MAN1A2: variants seen among roughly 807,000 people sequenced by gnomAD.
The protein encoded by MAN1A2 is mannosyl-oligosaccharide 1,2-alpha-mannosidase IB.
MAN1A2 carries 26 observed loss-of-function variants against 75.7 expected under a neutral mutation model. The observed-to-expected ratio is 0.34, with a 90% CI of 0.25 to 0.48. MAN1A2 has a LOEUF of 0.48. Among genes scored for constraint, MAN1A2 ranks in the 20% least tolerant of loss-of-function variants. The pLI is 0.99. For missense variants in MAN1A2, 562 were observed against 775.5 expected (o/e 0.72, Z 3.27); for synonymous variants, 247 against 264.6 (o/e 0.93, Z 0.65).
intron 1 of MAN1A2, among the ~76,000 whole-genome samples, chr1:117,375,607 G>A (rs1485173914): frequency 1.3e-5 from 2 of 152,188 alleles, no homozygotes; most frequent in Non-Finnish European, 2.9e-5. Context: ...TGTTCAGCAA[G>A]TGTTTTGAGT....
intron 8 of MAN1A2, among the ~76,000 whole-genome samples, chr1:117,485,171 A>G (rs995491009): frequency 1.3e-5 from 2 of 151,978 alleles, no homozygotes; most frequent in African/African-American, 2.4e-5. Context: ...AGATTCCTTT[A>G]GCTTCCATGT....
intron 6 of MAN1A2, among the ~76,000 whole-genome samples, chr1:117,444,634 A>G (rs1649149204): frequency 6.6e-6 from 1 of 152,040 alleles, no homozygotes; most frequent in South Asian, 2.1e-4. Flanking sequence ...AATTTTGAAC[A>G]TCCTTTTCAT....
At position 117,428,805 on chromosome 1, in the gene MAN1A2, TTTA is replaced by T. The variant is rs1046032413; in HGVS notation, c.855+8157_855+8159del. On this transcript the variant is annotated intron_variant, in intron 5 of 12. Transcript: ENST00000356554. ...CTTTCTTTTTTTTTTTTTTTTTTTT[TTTA>T]AATTTATTTTTTTATTGATAATTCT... 6.0e-3 allele frequency among the ~76,000 whole-genome samples: 856 copies of T among 142,942 alleles called. 3 individuals carry two copies. Among genetic ancestry groups the T allele is most frequent in the South Asian group, 0.018 (79 of 4,414 alleles). 93.8% of individuals were successfully genotyped at this position (142,942 alleles called of 152,430 possible).
At position 117,525,230 on chromosome 1, in the gene MAN1A2, A is replaced by G. The variant is rs1651978313; in HGVS notation, c.*2273A>G. The stretch of plus-strand genomic sequence containing the variant: ...TACAAACAAAGAATTTGACAGGGAC[A>G]ATGGAAGGGTCTTCTTCACCACTCC... On this transcript the variant is annotated 3_prime_UTR_variant, in exon 13 of 13. Transcript: ENST00000356554. 2 of 466,636 alleles carry G rather than the reference A, an allele frequency of 4.3e-6. No individual in the cohort carries two copies. The highest frequency in any genetic ancestry group is 8.9e-6 in the Non-Finnish European group (2 of 224,610). 28.9% of individuals were successfully genotyped at this position (466,636 alleles called of 1,614,324 possible). A position where few individuals can be genotyped will look rare whatever the true frequency, so the allele number is the denominator to read the frequency against.
At position 117,526,916 on chromosome 1, in the gene MAN1A2, TATATG is replaced by T. The variant is rs1349962007; in HGVS notation, c.*3961_*3965del. On this transcript the variant is annotated 3_prime_UTR_variant, in exon 13 of 13. Transcript: ENST00000356554. ...TATATATATATATATATATGAGAGA[TATATG>T]AGATATATGAGAGATCAAGATCTAT... 61 of 132,968 alleles carry T rather than the reference TATATG, an allele frequency of 4.6e-4. 1 individual carries two copies. The highest frequency in any genetic ancestry group is 1.7e-3 in the African/African-American group (61 of 35,128). 8.2% of individuals were successfully genotyped at this position (132,968 alleles called of 1,614,324 possible).
chr1:117,429,846 C>T (rs1648544364), intron 5 of MAN1A2, among the ~76,000 whole-genome samples: 1 of 71,104 alleles, frequency 1.4e-5, no homozygotes, highest in East Asian at 3.6e-4. Context: ...GGCGGCTGGC[C>T]GGGCGGGGGG....
intron 9 of MAN1A2, among the ~76,000 whole-genome samples, chr1:117,495,373 A>AT (rs1378966155): frequency 2.0e-4 from 31 of 151,996 alleles, no homozygotes; most frequent in Non-Finnish European, 3.4e-4. Flanking sequence ...CTATTAGCGT[A>AT]TTATAAAATA....
intron 4 of MAN1A2, among the ~76,000 whole-genome samples, chr1:117,418,625 G>A (rs1648090483): frequency 6.6e-6 from 1 of 151,838 alleles, no homozygotes; most frequent in African/African-American, 2.4e-5. Flanking sequence ...ATTACTATAT[G>A]TCTATGTGTG....
chr1:117,500,562 T>C (rs918720858), intron 11 of MAN1A2, among the ~76,000 whole-genome samples: 5 of 151,830 alleles, frequency 3.3e-5, no homozygotes, highest in African/African-American at 7.3e-5. Context: ...AACCTAGGAA[T>C]AATGTGAGAT....
chr1:117,416,982 G>A (rs1341023369), intron 4 of MAN1A2, among the ~76,000 whole-genome samples: 1 of 152,158 alleles, frequency 6.6e-6, no homozygotes, highest in African/African-American at 2.4e-5. Context: ...GTGAACCCTG[G>A]CTGGTGAGAC....
At chr1:117,368,668 G>A (rs1277056376) in intron 1 of MAN1A2, among the ~76,000 whole-genome samples, 183 bp downstream of exon 1, 3 of 151,930 alleles carry the variant, frequency 2.0e-5, no homozygotes, top group Non-Finnish European at 2.9e-5. Context: ...TCCAGTCTAT[G>A]GTAGAGTCCA....
rs1224175021 is a variant in MAN1A2, at chr1:117,445,882, G to GTATATA, written c.950+3558_950+3559insATATAT. Among the ~76,000 whole-genome samples, 670 of 134,840 alleles carry GTATATA rather than the reference G, an allele frequency of 5.0e-3. 8 individuals carry two copies. Among genetic ancestry groups the GTATATA allele is most frequent in the African/African-American group, 0.015 (559 of 38,064 alleles). The allele number at this position is 134,840 out of a possible 152,430, so 88.5% of individuals were successfully genotyped here. ...TGTATGTGTGTGTGTGTCTGTGTGT[G>GTATATA]TGTATATATATATATATGTATATAT... On this transcript the variant is annotated intron_variant, in intron 6 of 12. Transcript: ENST00000356554.
intron 6 of MAN1A2, among the ~76,000 whole-genome samples, chr1:117,458,524 T>TCTATATA (rs373076182): frequency 1.4e-5 from 1 of 71,706 alleles, no homozygotes; most frequent in Non-Finnish European, 2.8e-5. Flanking sequence ...TATATATATA[T>TCTATATA]TTTTTTTTTT....
chr1:117,460,471 C>CT lies in MAN1A2; in HGVS notation c.951-14dup. 1 of 1,591,476 alleles carries CT rather than the reference C, an allele frequency of 6.3e-7. No individual in the cohort carries two copies. Among genetic ancestry groups the CT allele is most frequent in the Non-Finnish European group, 8.5e-7 (1 of 1,170,592 alleles). ...TTTCCCAATCCTGTGTCTCCTTTTACTTTTCCTTTTCATTCAGTGGAGTAG... is the reference window on the plus strand; with the variant it reads ...TTTCCCAATCCTGTGTCTCCTTTTACTTTTTCCTTTTCATTCAGTGGAGTAG... On this transcript the variant is annotated splice_polypyrimidine_tract_variant and intron_variant, in intron 6 of 12. Coordinates refer to ENST00000356554, the MANE Select transcript of MAN1A2 (RefSeq NM_006699.5).
At chr1:117,508,171 AC>A (rs2101886917) in intron 12 of MAN1A2, among the ~76,000 whole-genome samples, 1 of 151,818 alleles carries the variant, frequency 6.6e-6, no homozygotes, top group Non-Finnish European at 1.5e-5. Context: ...TTTTCATTGC[AC>A]CTTACCTCAA....
intron 5 of MAN1A2, among the ~76,000 whole-genome samples, chr1:117,436,515 C>T (rs1032149995): frequency 1.3e-5 from 2 of 152,214 alleles, no homozygotes; most frequent in African/African-American, 4.8e-5. Flanking sequence ...GAAAAGCAAT[C>T]CAGCACTGGG....
intron 5 of MAN1A2, among the ~76,000 whole-genome samples, chr1:117,435,398 A>T (rs1648816890): frequency 6.6e-6 from 1 of 152,212 alleles, no homozygotes; most frequent in Admixed American, 6.5e-5. Flanking sequence ...AGAACTCGTG[A>T]ATAATAACAA....
chr1:117,456,143 C>G (rs2101829927), intron 6 of MAN1A2, among the ~76,000 whole-genome samples: 1 of 152,130 alleles, frequency 6.6e-6, no homozygotes, highest in Non-Finnish European at 1.5e-5. Flanking sequence ...AGGAAGACAT[C>G]TACAAAATTA....
At chr1:117,450,390 T>C (rs542054470) in intron 6 of MAN1A2, among the ~76,000 whole-genome samples, 3 of 152,214 alleles carry the variant, frequency 2.0e-5, no homozygotes, top group East Asian at 3.9e-4. Flanking sequence ...TTCAGTTTTA[T>C]AAGGGAAGCA....
Sources: allele counts gnomAD v4.1 joint callset (sites outside exome capture counted in the v4.1 genomes callset), GRCh38; gene constraint gnomAD v4.1.1; transcripts MANE v1.5; gene names NCBI Gene and HGNC (gene_info 2026-07-23, HGNC 2026-07-21).